The following HDAC8 variants were observed in gnomAD, a reference collection of about 807,000 sequenced individuals.
HDAC8 encodes histone deacetylase-like 1.
A neutral mutation model predicts 32.2 loss-of-function variants in HDAC8; 1 was observed. The ratio of observed to expected loss-of-function variants is 0.03; its 90% CI spans 0.01 to 0.15. The LOEUF is 0.15. Among genes scored for constraint, HDAC8 ranks in the 10% least tolerant of loss-of-function variants. The pLI is 1.00. For synonymous variants in HDAC8, 108 were observed against 113.9 expected (o/e 0.95, Z 0.33); for missense variants, 117 against 300.0 (o/e 0.39, Z 4.51).
intron 4 of HDAC8, among the ~76,000 whole-genome samples, chrX:72,512,197 GA>G (rs1317976251): frequency 1.8e-5 from 2 of 111,222 alleles, no homozygotes; most frequent in Admixed American, 1.9e-4. Context: ...AATGAACCTT[GA>G]AATATAACAT....
chrX:72,345,516 G>C (rs2044002728), intron 10 of HDAC8, among the ~76,000 whole-genome samples: 1 of 111,340 alleles, frequency 9.0e-6, no homozygotes, highest in African/African-American at 3.3e-5. Flanking sequence ...CCAGCACAGG[G>C]TGTTGTGCTG....
intron 1 of HDAC8, 85 bp from the exon 2 acceptor site, chrX:72,572,194 A>C: frequency 1.0e-5 from 9 of 893,618 alleles, no homozygotes; most frequent in Non-Finnish European, 1.4e-5. Flanking sequence ...CGTCAATCTC[A>C]CCATCCTGAA....
intron 9 of HDAC8, among the ~76,000 whole-genome samples, chrX:72,404,892 C>A (rs1291109298): frequency 1.8e-5 from 2 of 110,758 alleles, no homozygotes; most frequent in Non-Finnish European, 3.8e-5. Flanking sequence ...CCTGAATCTG[C>A]AGATTGTTGT....
chrX:72,366,000 T>C (rs1354925969), intron 9 of HDAC8, among the ~76,000 whole-genome samples: 1 of 112,462 alleles, frequency 8.9e-6, no homozygotes, highest in African/African-American at 3.2e-5. Context: ...ACTTGGCCCC[T>C]GCCCTCAAGG....
intron 4 of HDAC8, among the ~76,000 whole-genome samples, chrX:72,561,040 G>A (rs1288241551): frequency 9.0e-6 from 1 of 111,724 alleles, no homozygotes; most frequent in Non-Finnish European, 1.9e-5. Context: ...ACTGCTGAAA[G>A]AAATCAGAGA....
In HDAC8 at chrX:72,572,626, G is replaced by A. The variant is rs1556164798; in HGVS notation, c.111+25C>T. Reference sequence around the variant, plus strand: ...CCCCACCCCCACCCCCAAAGCCCATGGTCTTTCATCCCGACTTCCCTTACC... The same window carrying A: ...CCCCACCCCCACCCCCAAAGCCCATAGTCTTTCATCCCGACTTCCCTTACC... On this transcript the variant is annotated intron_variant, in intron 1 of 10. Coordinates refer to ENST00000373573, the MANE Select transcript of HDAC8 (RefSeq NM_018486.3). The A allele has an allele frequency of 9.6e-6, 3 of 313,675 alleles. No homozygotes were observed. In the South Asian group the frequency reaches 1.7e-4, roughly 17 times the overall value. 25.9% of individuals were successfully genotyped at this position (313,675 alleles called of 1,213,427 possible). A position where few individuals can be genotyped will look rare whatever the true frequency, so the allele number is the denominator to read the frequency against.
chrX:72,415,537 A>G (rs782275110), intron 9 of HDAC8, among the ~76,000 whole-genome samples: 55 of 112,125 alleles, frequency 4.9e-4, no homozygotes, highest in African/African-American at 1.7e-3. Context: ...AATCTTTACT[A>G]TGTTGAGTTC....
intron 7 of HDAC8, among the ~76,000 whole-genome samples, chrX:72,485,418 A>AC (rs1556005229): frequency 8.9e-6 from 1 of 111,832 alleles, no homozygotes; most frequent in Non-Finnish European, 1.9e-5. Flanking sequence ...CTAGTCTATT[A>AC]CAAAAAAACT....
chrX:72,344,166 C>A (rs1485019588), intron 10 of HDAC8, among the ~76,000 whole-genome samples: 1 of 111,705 alleles, frequency 9.0e-6, no homozygotes, highest in East Asian at 2.8e-4. Context: ...TACTCCCCAC[C>A]TGGAGGTAAT....
intron 9 of HDAC8, among the ~76,000 whole-genome samples, chrX:72,407,432 T>G (rs190856137): frequency 8.9e-6 from 1 of 112,146 alleles, no homozygotes; most frequent in Non-Finnish European, 1.9e-5. Flanking sequence ...CCTGTTCCCC[T>G]TTTTTTCCCT....
chrX:72,470,982 A>T (rs2048158982), intron 7 of HDAC8, among the ~76,000 whole-genome samples: 1 of 111,362 alleles, frequency 9.0e-6, no homozygotes, highest in South Asian at 3.8e-4. Context: ...CTCAAAAGAA[A>T]CCCTGAACCC....
At chrX:72,390,634 G>A (rs967967332) in intron 9 of HDAC8, among the ~76,000 whole-genome samples, 2 of 111,645 alleles carry the variant, frequency 1.8e-5, no homozygotes, top group African/African-American at 3.3e-5. Flanking sequence ...GTGGCCACCA[G>A]AAAAGTGTAG....
chrX:72,506,860 CT>C (rs1241648528), intron 4 of HDAC8, among the ~76,000 whole-genome samples: 7 of 109,412 alleles, frequency 6.4e-5, no homozygotes, highest in African/African-American at 2.3e-4. Flanking sequence ...TTTATATTAA[CT>C]TTTTTTTTGA....
chrX:72,424,211 A>T (rs985558667), intron 9 of HDAC8, among the ~76,000 whole-genome samples: 61 of 111,572 alleles, frequency 5.5e-4, no homozygotes, highest in Non-Finnish European at 1.1e-4. Context: ...TGTGATCTTC[A>T]ATTTTTCTCC....
At chrX:72,448,373 C>A (rs1287431610) in intron 9 of HDAC8, among the ~76,000 whole-genome samples, 1 of 112,061 alleles carries the variant, frequency 8.9e-6, no homozygotes, top group African/African-American at 3.2e-5. Flanking sequence ...GGAAAACTGG[C>A]TAGCCATATG....
At chrX:72,422,059 T>G (rs2046506154) in intron 9 of HDAC8, among the ~76,000 whole-genome samples, 1 of 111,460 alleles carries the variant, frequency 9.0e-6, no homozygotes, top group Admixed American at 9.5e-5. Flanking sequence ...TGATGAGTTG[T>G]TTCTCTCTTG....
chrX:72,457,609 T>C (rs782560344), intron 9 of HDAC8, among the ~76,000 whole-genome samples: 3 of 112,319 alleles, frequency 2.7e-5, no homozygotes, highest in African/African-American at 9.7e-5. Flanking sequence ...AGGATCAAAA[T>C]AATGAAATAC....
chrX:72,447,011 C>G (rs2047425580), intron 9 of HDAC8, among the ~76,000 whole-genome samples: 2 of 111,786 alleles, frequency 1.8e-5, no homozygotes, highest in African/African-American at 6.5e-5. Flanking sequence ...ACCAGAGGTA[C>G]AAAGAGGAGC....
At position 72,340,833 on chromosome X, in the gene HDAC8, A is replaced by C. The variant is rs1258674968; in HGVS notation, c.1112-10757T>G. Among the ~76,000 whole-genome samples the C allele has an allele frequency of 2.7e-5, 3 of 112,036 alleles. No homozygotes were observed. In the Admixed American group the frequency reaches 2.8e-4, roughly 11 times the overall value. On this transcript the variant is annotated intron_variant, in intron 10 of 10. Transcript: ENST00000373573. Reference sequence around the variant, plus strand: ...TCCCAAAGACCTTTACTGGAGCCAAAGAAACAGTCGCTAACTGTGGAGCCC... The same window carrying C: ...TCCCAAAGACCTTTACTGGAGCCAACGAAACAGTCGCTAACTGTGGAGCCC...
Sources: allele counts gnomAD v4.1 joint callset (sites outside exome capture counted in the v4.1 genomes callset), GRCh38; gene constraint gnomAD v4.1.1; transcripts MANE v1.5; gene names NCBI Gene and HGNC (gene_info 2026-07-23, HGNC 2026-07-21).